Variants in HS1BP3 observed in about 807,000 individuals in gnomAD.
HS1BP3 encodes the protein HCLS1 binding protein 3, also known as HCLS1-binding protein 3.
Under a neutral mutation model 33.5 loss-of-function variants are expected in HS1BP3, and 32 were observed. The observed-to-expected ratio is 0.95, with a 90% CI of 0.72 to 1.28. The LOEUF is 1.28. Among genes scored for constraint, HS1BP3 ranks in the 50% most tolerant of loss-of-function variants. The pLI, the probability that HS1BP3 is intolerant of heterozygous loss-of-function variation, is 0.00. For synonymous variants in HS1BP3, 187 were observed against 209.2 expected, an observed-to-expected ratio of 0.89 and a Z score of 0.92; for missense variants, 486 against 502.3, an observed-to-expected ratio of 0.97 and a Z score of 0.31.
chr2:20,572,035 C>T (rs1429064624), intron 5 of HS1BP3, among the ~76,000 whole-genome samples: 1 of 152,236 alleles, frequency 6.6e-6, no homozygotes, highest in African/African-American at 2.4e-5. Context: ...TCTAAAGTCA[C>T]AGAGCTAAGA....
intron 2 of HS1BP3, among the ~76,000 whole-genome samples, chr2:20,644,973 G>A (rs552262010): frequency 1.1e-4 from 16 of 152,164 alleles, no homozygotes; most frequent in African/African-American, 1.4e-4. Flanking sequence ...TTGTCTGCCC[G>A]GGACACCCTT....
rs1694497054 is a variant in HS1BP3 at position 20,618,734 on chromosome 2, A to T, written c.*253T>A. 2 of 1,293,178 alleles carry T rather than the reference A, an allele frequency of 1.5e-6. No homozygotes were observed. Among genetic ancestry groups the T allele is most frequent in the Admixed American group, 3.8e-5 (1 of 26,664 alleles). The allele number at this position is 1,293,178 out of a possible 1,614,324, so 80.1% of individuals were successfully genotyped here. On this transcript the variant is annotated 3_prime_UTR_variant, in exon 7 of 7. Transcript: ENST00000304031. ...CATCCCCACACCCTCCCTCCCCTTCATGTCCACGGGGAATAAGACACATTG... is the reference window on the plus strand; with the variant it reads ...CATCCCCACACCCTCCCTCCCCTTCTTGTCCACGGGGAATAAGACACATTG...
At chr2:20,650,068 A>G (rs1445825507) in intron 1 of HS1BP3, among the ~76,000 whole-genome samples, 1 of 152,242 alleles carries the variant, frequency 6.6e-6, no homozygotes, top group Middle Eastern at 3.2e-3. Context: ...CCATGAAGAT[A>G]CAACTGTAAC....
At chr2:20,642,146 G>C (rs1048231005) in intron 2 of HS1BP3, among the ~76,000 whole-genome samples, 1 of 152,190 alleles carries the variant, frequency 6.6e-6, no homozygotes, top group Non-Finnish European at 1.5e-5. Flanking sequence ...TGTCTCCCCC[G>C]ACTGAAGTGT....
intron 5 of HS1BP3, among the ~76,000 whole-genome samples, chr2:20,578,981 G>A (rs137956002): frequency 1.5e-3 from 226 of 152,350 alleles, no homozygotes; most frequent in African/African-American, 5.1e-3. Flanking sequence ...CAAGTGGAAA[G>A]TCAGGCGGTG....
chr2:20,577,756 C>T (rs149098904), intron 5 of HS1BP3, among the ~76,000 whole-genome samples: 2 of 152,308 alleles, frequency 1.3e-5, no homozygotes, highest in South Asian at 2.1e-4. Context: ...CAGGCTAGGT[C>T]GCATTCTTGG....
Position 20,643,817 on chromosome 2 carries a change from T to C in HS1BP3, c.198+1523A>G, listed in dbSNP as rs566867580. ...GCATGGTGGTGTGTGCCTGTAGTCC[T>C]AGATACTTAGGAGGCTGAGGCAGGA... On this transcript the variant is annotated intron_variant, in intron 2 of 6. Coordinates refer to ENST00000304031, the MANE Select transcript of HS1BP3 (RefSeq NM_022460.4). 1.4e-3 allele frequency among the ~76,000 whole-genome samples: 209 copies of C among 151,988 alleles called. 1 individual carries two copies. Among genetic ancestry groups the C allele is most frequent in the African/African-American group, 4.4e-3 (184 of 41,436 alleles).
chr2:20,601,554 C>G (rs1299201151), intron 2 of HS1BP3, among the ~76,000 whole-genome samples: 1 of 152,060 alleles, frequency 6.6e-6, no homozygotes, highest in East Asian at 1.9e-4. Context: ...GCGGGTCTTT[C>G]CTGTGCTGTT....
chr2:20,558,168 G>C (rs77154491), downstream of HS1BP3, among the ~76,000 whole-genome samples: 6,130 of 152,226 alleles, frequency 0.04, 403 homozygotes, highest in African/African-American at 0.14. Flanking sequence ...GAGGGGAGAT[G>C]AGATAATTTG....
intron 4 of HS1BP3, among the ~76,000 whole-genome samples, chr2:20,631,084 G>A (rs767942095): frequency 1.4e-4 from 22 of 152,268 alleles, no homozygotes; most frequent in Non-Finnish European, 2.2e-4. Context: ...GAAATGCTTC[G>A]CAAGCTGCCA....
downstream of HS1BP3, among the ~76,000 whole-genome samples, chr2:20,589,469 C>T (rs1194102503): frequency 1.3e-5 from 2 of 152,172 alleles, no homozygotes; most frequent in Non-Finnish European, 2.9e-5. Context: ...TAGGTGGGCA[C>T]TGCTAGAGGC....
Position 20,619,062 on chromosome 2 carries a change from G to A in HS1BP3, c.1104C>T (p.Ala368=). 6.2e-7 allele frequency: 1 copy of A among 1,614,160 alleles called. No individual in the cohort carries two copies. Among genetic ancestry groups the A allele is most frequent in the East Asian group, 2.2e-5 (1 of 44,876 alleles). ...ACTGCAAGATGTCCATCTCGTCCAT[G>A]GCTTGGATCTGCTCCTGCGGCTTCT... is the stretch of plus-strand genomic sequence containing the variant. ...GQQKPQEQIQ[A]MDEMDILQYI... The change falls in exon 7 of 7, where the codon GCC becomes GCT. Residue 368 remains alanine, a synonymous_variant. Transcript: ENST00000304031.
chr2:20,583,674 C>G (rs778648712), intron 5 of HS1BP3, among the ~76,000 whole-genome samples: 1 of 152,156 alleles, frequency 6.6e-6, no homozygotes, highest in Non-Finnish European at 1.5e-5. Flanking sequence ...GGTGGGAGGA[C>G]CTGGGCTCTC....
chr2:20,593,693 C>T (rs1693875211), intron 3 of HS1BP3, among the ~76,000 whole-genome samples: 1 of 152,138 alleles, frequency 6.6e-6, no homozygotes, highest in East Asian at 1.9e-4. Flanking sequence ...CCACAACCTT[C>T]CCCCACTGCG....
intron 4 of HS1BP3, among the ~76,000 whole-genome samples, chr2:20,632,261 T>C (rs576654644): frequency 5.3e-5 from 8 of 152,346 alleles, no homozygotes; most frequent in African/African-American, 1.4e-4. Flanking sequence ...CTGGTCGCAG[T>C]AAGCTCTGAG....
chr2:20,594,540 T>A (rs1388614429), intron 3 of HS1BP3, among the ~76,000 whole-genome samples: 1 of 152,166 alleles, frequency 6.6e-6, no homozygotes, highest in African/African-American at 2.4e-5. Context: ...GTGTTTTGTC[T>A]CTCAGGTGGC....
At chr2:20,650,971 TC>T in intron 1 of HS1BP3, 60 bp downstream of exon 1, 5 of 1,221,952 alleles carry the variant, frequency 4.1e-6, no homozygotes, top group Non-Finnish European at 5.1e-6. Flanking sequence ...TCCCCCCGCC[TC>T]TCCGCCCGGG....
chr2:20,554,375 C>T, the HS1BP3 span, among the ~76,000 whole-genome samples: 1 of 152,198 alleles, frequency 6.6e-6, no homozygotes, highest in Non-Finnish European at 1.5e-5. Context: ...GAACACTCCT[C>T]AGTGAGCACA....
chr2:20,616,900 T>C (rs1157762560), downstream of HS1BP3, among the ~76,000 whole-genome samples: 1 of 152,092 alleles, frequency 6.6e-6, no homozygotes, highest in East Asian at 1.9e-4. Context: ...CGCAGTCCTG[T>C]GGGTGAAGAA....
Sources: allele counts gnomAD v4.1 joint callset (sites outside exome capture counted in the v4.1 genomes callset), GRCh38; gene constraint gnomAD v4.1.1; transcripts MANE v1.5; gene names NCBI Gene and HGNC (gene_info 2026-07-23, HGNC 2026-07-21).